The following PIKFYVE variants were observed in gnomAD, a reference collection of about 807,000 sequenced individuals.
The protein encoded by PIKFYVE is phosphoinositide kinase, FYVE-type zinc finger containing.
In PIKFYVE, 122 loss-of-function variants were observed where a neutral mutation model predicts 257.9. The ratio of observed to expected loss-of-function variants is 0.47; its 90% CI spans 0.41 to 0.55. The LOEUF is 0.55. PIKFYVE is among the 20% of genes least tolerant of loss of function. The probability of loss-of-function intolerance (pLI) is 0.00; values close to 1 mark genes in which losing one functional copy is unlikely to be tolerated. For missense variants in PIKFYVE, 2,160 were observed against 2,536.6 expected, an observed-to-expected ratio of 0.85 and a Z score of 3.19; for synonymous variants, 892 against 868.9, an observed-to-expected ratio of 1.03 and a Z score of -0.47.
chr2:208,296,549 G>A (rs573269359), intron 7 of PIKFYVE, among the ~76,000 whole-genome samples: 45 of 152,262 alleles, frequency 3.0e-4, no homozygotes, highest in African/African-American at 1.0e-3. Context: ...TTAGGGGAGG[G>A]CTACAGGCTA....
At chr2:208,330,027 C>G in intron 22 of PIKFYVE, 114 bp downstream of exon 22, 1 of 1,367,396 alleles carries the variant, frequency 7.3e-7, no homozygotes, top group South Asian at 1.3e-5. Flanking sequence ...TCCTCACTTT[C>G]ATAGTGCATA....
At chr2:208,302,689 T>C (rs1693842591) in intron 10 of PIKFYVE, 1 of 326,960 alleles carries the variant, frequency 3.1e-6, no homozygotes, top group Admixed American at 4.3e-5. Flanking sequence ...TTTTTGGTTT[T>C]ATTAGGCCTA....
chr2:208,324,943 A>T lies in PIKFYVE; in HGVS notation c.2364A>T (p.Gln788His). The change falls in exon 19 of 42, where the codon CAA becomes CAT. Residue 788 changes from glutamine to histidine, a missense_variant. By Grantham distance (24) the Gln-to-His change is conservative. Transcript: ENST00000264380. ...TGGAACGAATCAGTCGAATGACCCA[A>T]GGTGATTTAGTGATGTCAATGGACC... ...QVLERISRMT[Q>H]GDLVMSMDQL... The T allele has an allele frequency of 6.2e-7, 1 of 1,614,056 alleles. No homozygotes were observed. Among genetic ancestry groups the T allele is most frequent in the East Asian group, 2.2e-5 (1 of 44,866 alleles).
Position 208,337,016 on chromosome 2 carries a change from G to T in PIKFYVE, c.4611+88G>T, listed in dbSNP as rs1014451182. The T allele has an allele frequency of 1.1e-5, 10 of 918,268 alleles. No individual in the cohort carries two copies. The African/African-American group carries it at 1.2e-4, about 11-fold the overall frequency. The allele number at this position is 918,268 out of a possible 1,614,324, so 56.9% of individuals were successfully genotyped here. A position where few individuals can be genotyped will look rare whatever the true frequency, so the allele number is the denominator to read the frequency against. On this transcript the variant is annotated intron_variant, in intron 28 of 41. Transcript: ENST00000264380. ...ATACTTAGCAGGGATAGTTTAATATGTACTTTAGTAATGATATCCAGTAGG... is the reference window on the plus strand; with the variant it reads ...ATACTTAGCAGGGATAGTTTAATATTTACTTTAGTAATGATATCCAGTAGG...
In PIKFYVE at chr2:208,326,198, C is replaced by T. The variant is rs774510837; in HGVS notation, c.3387C>T (p.Pro1129=). 3 of 1,605,964 alleles carry T rather than the reference C, an allele frequency of 1.9e-6. No homozygotes were observed. The Admixed American group carries it at 5.1e-5, about 27-fold the overall frequency. ...AGGCCAAGTCTATTCAAGTCTTACC[C>T]TCACATGAGCTAGTGAGCACTAGAA... ...SIQAKSIQVL[P]SHELVSTRIA... The change falls in exon 20 of 42, where the codon CCC becomes CCT. Residue 1129 remains proline (P), a synonymous_variant. Coordinates refer to ENST00000264380, the MANE Select transcript of PIKFYVE (RefSeq NM_015040.4).
At chr2:208,304,355 T>C in intron 11 of PIKFYVE, 37 bp downstream of exon 11, 1 of 1,599,632 alleles carries the variant, frequency 6.3e-7, no homozygotes, top group Non-Finnish European at 8.6e-7. Flanking sequence ...TTTTGATGGG[T>C]CATTGCTGTG....
intron 35 of PIKFYVE, among the ~76,000 whole-genome samples, chr2:208,348,961 G>A (rs1240216228): frequency 6.6e-6 from 1 of 152,018 alleles, no homozygotes; most frequent in Non-Finnish European, 1.5e-5. Flanking sequence ...CTAGGAGTTG[G>A]AGATGAGCCT....
chr2:208,329,146 C>T (rs1006237632), intron 21 of PIKFYVE, among the ~76,000 whole-genome samples: 1 of 152,062 alleles, frequency 6.6e-6, no homozygotes, highest in Non-Finnish European at 1.5e-5. Context: ...TACATGTTCA[C>T]CTTTAGTTTT....
At chr2:208,348,599 A>ATGT (rs559057437) in intron 35 of PIKFYVE, among the ~76,000 whole-genome samples, 8 of 128,986 alleles carry the variant, frequency 6.2e-5, no homozygotes, top group African/African-American at 1.2e-4. Context: ...AAAAAAAAAA[A>ATGT]GTGTGTGTGT....
rs746801041 is a variant in PIKFYVE, at chr2:208,350,876, G to C, written c.5540G>C (p.Arg1847Pro). The C allele has an allele frequency of 6.2e-7, 1 of 1,614,014 alleles. No individual in the cohort carries two copies. The highest frequency in any genetic ancestry group is 1.3e-5 in the African/African-American group (1 of 74,914). The change falls in exon 37 of 42, where the codon CGT (arginine) becomes CCT (proline). Residue 1847 changes from arginine (R) to proline (P), a missense_variant. By Grantham distance (103) the Arg-to-Pro change is moderately radical. Coordinates refer to ENST00000264380, the MANE Select transcript of PIKFYVE (RefSeq NM_015040.4). The part of the protein sequence containing the change: ...ILDSSEEDFI[R>P]SLSHSSPWQA... ...GACAGCAGTGAAGAAGATTTCATTC[G>C]TTCCCTCTCCCACTCATCACCCTGG...
At chr2:208,292,368 A>G (rs1250970861) in intron 7 of PIKFYVE, among the ~76,000 whole-genome samples, 1 of 152,094 alleles carries the variant, frequency 6.6e-6, no homozygotes, top group East Asian at 1.9e-4. Context: ...TCTCTGCTGG[A>G]TGTATCCATC....
intron 8 of PIKFYVE, 29 bp from the exon 9 acceptor site, chr2:208,300,908 G>T (rs770849310): frequency 1.2e-6 from 2 of 1,613,292 alleles, no homozygotes; most frequent in Non-Finnish European, 1.7e-6. Flanking sequence ...TTTCTCAAGG[G>T]TAACTACTTG....
rs1192881430 is a variant in PIKFYVE at position 208,346,155 on chromosome 2, T to C, written c.5209+8T>C. ...AAACAGAACCACAACCAAGTAAGAT[T>C]ACACATGGAGGAATATTTATAATTA... On this transcript the variant is annotated splice_region_variant and intron_variant, in intron 34 of 41. Coordinates refer to ENST00000264380, the MANE Select transcript of PIKFYVE (RefSeq NM_015040.4). The C allele has an allele frequency of 6.3e-7, 1 of 1,583,490 alleles. No individual in the cohort carries two copies. Among genetic ancestry groups the C allele is most frequent in the Non-Finnish European group, 8.7e-7 (1 of 1,152,510 alleles).
chr2:208,310,045 TTC>T (rs1019763701), intron 12 of PIKFYVE, among the ~76,000 whole-genome samples: 27 of 152,236 alleles, frequency 1.8e-4, no homozygotes. Context: ...GCTTTCACAG[TTC>T]TCTCTTAGTT....
At chr2:208,336,452 A>G (rs1345544095) in intron 27 of PIKFYVE, among the ~76,000 whole-genome samples, 2 of 152,178 alleles carry the variant, frequency 1.3e-5, no homozygotes, top group Non-Finnish European at 2.9e-5. Flanking sequence ...ATTTGAAACA[A>G]TGTTGTTCAG....
At chr2:208,300,886 G>C (rs780346657) in intron 8 of PIKFYVE, 51 bp from the exon 9 acceptor site, 1 of 1,607,114 alleles carries the variant, frequency 6.2e-7, no homozygotes, top group Non-Finnish European at 8.5e-7. Context: ...ATCTGAAAAG[G>C]TATATAGCAT....
chr2:208,304,969 C>T lies in PIKFYVE; in HGVS notation c.1592C>T (p.Pro531Leu), dbSNP rs1474815280. The change falls in exon 12 of 42, where the codon CCC (proline) becomes CTC (leucine). Residue 531 changes from proline (P) to leucine (L), a missense_variant. Physicochemically the swap from Pro to Leu is moderately conservative, Grantham distance 98. Transcript: ENST00000264380. ...LDNVNFHIKK[P>L]SKYPHVPPHP... ...AACGTGAACTTCCATATCAAGAAGC[C>T]CTCCAAGTACCCACATGTGCCCCCT... The T allele has an allele frequency of 6.2e-7, 1 of 1,613,980 alleles. No homozygotes were observed. Among genetic ancestry groups the T allele is most frequent in the African/African-American group, 1.3e-5 (1 of 74,906 alleles).
intron 10 of PIKFYVE, among the ~76,000 whole-genome samples, chr2:208,303,397 T>C (rs549714610): frequency 6.6e-6 from 1 of 152,252 alleles, no homozygotes; most frequent in East Asian, 1.9e-4. Context: ...TAACTACTAA[T>C]AGCTTAGTGT....
At chr2:208,321,589 T>C (rs1391735702) in intron 17 of PIKFYVE, among the ~76,000 whole-genome samples, 1 of 149,306 alleles carries the variant, frequency 6.7e-6, no homozygotes. Context: ...TTTTTTTTTT[T>C]TTTTTGAGAC....
Sources: gnomAD v4.1 joint callset for allele counts (sites outside exome capture counted in the v4.1 genomes callset) on GRCh38, gnomAD v4.1.1 for gene constraint, MANE v1.5 for transcripts, NCBI Gene and HGNC (gene_info 2026-07-23, HGNC 2026-07-21) for gene names.